Variants in OR3A2 observed in about 807,000 individuals in gnomAD.
The protein encoded by OR3A2 is olfactory receptor 3A2.
For synonymous variants in OR3A2, 126 were observed against 159.3 expected, an observed-to-expected ratio of 0.79 and a Z score of 1.57; for missense variants, 318 against 392.8, an observed-to-expected ratio of 0.81 and a Z score of 1.61.
intron 2 of OR3A2, among the ~76,000 whole-genome samples, chr17:3,341,200 T>C (rs968383308): frequency 1.2e-4 from 19 of 152,212 alleles, no homozygotes; most frequent in Admixed American, 9.8e-4. Context: ...AGCACACTGA[T>C]GGGTCTTGAC....
chr17:3,341,178 T>A (rs1420603155), intron 2 of OR3A2, among the ~76,000 whole-genome samples: 1 of 152,192 alleles, frequency 6.6e-6, no homozygotes, highest in African/African-American at 2.4e-5. Flanking sequence ...ATGAGATGGG[T>A]CACCTGAATA....
At chr17:3,348,162 T>C (rs577654015) in intron 2 of OR3A2, among the ~76,000 whole-genome samples, 2 of 152,214 alleles carry the variant, frequency 1.3e-5, no homozygotes, top group African/African-American at 4.8e-5. Flanking sequence ...GTCAGATGAG[T>C]AGGTTGTGAA....
At chr17:3,379,467 G>C (rs2049714919) in intron 2 of OR3A2, among the ~76,000 whole-genome samples, 1 of 152,174 alleles carries the variant, frequency 6.6e-6, no homozygotes, top group Admixed American at 6.5e-5. Flanking sequence ...AGCTCCACAT[G>C]GGGTGTGAGG....
At chr17:3,361,607 TGA>T (rs1257151180) in intron 2 of OR3A2, among the ~76,000 whole-genome samples, 2 of 151,746 alleles carry the variant, frequency 1.3e-5, no homozygotes, top group Non-Finnish European at 2.9e-5. Context: ...CCTAATTTAT[TGA>T]GAGTTTTTAG....
At chr17:3,318,218 G>C (rs1487701380) in intron 3 of OR3A2, among the ~76,000 whole-genome samples, 1 of 152,152 alleles carries the variant, frequency 6.6e-6, no homozygotes, top group Non-Finnish European at 1.5e-5. Flanking sequence ...TAGGTGCTGA[G>C]GGAAGACTGG....
intron 2 of OR3A2, among the ~76,000 whole-genome samples, chr17:3,368,787 TTTGGTGAGCATTGCAATGAATTTGTAGA>T (rs1219582228): frequency 6.6e-6 from 1 of 152,170 alleles, no homozygotes; most frequent in Non-Finnish European, 1.5e-5. Context: ...ATGATGGTAC[TTTGGTGAGCATTGCAATGAATTTGTAGA>T]TTGCTTTTAG....
At chr17:3,370,525 C>G (rs2150663802) in intron 2 of OR3A2, among the ~76,000 whole-genome samples, 1 of 152,006 alleles carries the variant, frequency 6.6e-6, no homozygotes, top group East Asian at 1.9e-4. Flanking sequence ...TCATTTAATT[C>G]TGCTCTGATC....
chr17:3,331,624 C>T (rs370782147), intron 3 of OR3A2, among the ~76,000 whole-genome samples: 2 of 151,850 alleles, frequency 1.3e-5, no homozygotes, highest in Non-Finnish European at 2.9e-5. Flanking sequence ...TTCTAAATTT[C>T]TTTCAAAGTT....
intron 2 of OR3A2, among the ~76,000 whole-genome samples, chr17:3,353,099 C>T (rs1434907294): frequency 7.1e-6 from 1 of 141,786 alleles, no homozygotes; most frequent in African/African-American, 2.6e-5. Flanking sequence ...TGCAACTTTA[C>T]TGAATTTGCT....
chr17:3,319,423 C>T (rs74512178), intron 3 of OR3A2, among the ~76,000 whole-genome samples: 25,970 of 151,684 alleles, frequency 0.17, 3,031 homozygotes, highest in Admixed American at 0.34. Context: ...ATGTGCACAA[C>T]ATGCAGGTTT....
intron 3 of OR3A2, chr17:3,291,651 C>G: frequency 6.3e-7 from 1 of 1,599,142 alleles, no homozygotes; most frequent in Non-Finnish European, 8.6e-7. Flanking sequence ...CAGTGACCGC[C>G]TCCCTGTGAG....
intron 2 of OR3A2, among the ~76,000 whole-genome samples, chr17:3,366,973 T>C (rs567171043): frequency 6.6e-6 from 1 of 152,322 alleles, no homozygotes; most frequent in Admixed American, 6.5e-5. Flanking sequence ...GGAGTGAGAT[T>C]ACCTTGAGAC....
intron 3 of OR3A2, among the ~76,000 whole-genome samples, chr17:3,305,556 G>A (rs138428718): frequency 4.5e-3 from 688 of 152,218 alleles, no homozygotes; most frequent in Non-Finnish European, 7.4e-3. Context: ...AAAAATCAGA[G>A]ATGCAAATAC....
intron 3 of OR3A2, among the ~76,000 whole-genome samples, chr17:3,324,058 T>C (rs563797054): frequency 2.0e-5 from 3 of 152,072 alleles, no homozygotes; most frequent in Non-Finnish European, 4.4e-5. Context: ...TGTTCATTTC[T>C]TTTTGTTCTT....
chr17:3,358,312 C>T (rs2049480205), intron 2 of OR3A2, among the ~76,000 whole-genome samples: 1 of 151,616 alleles, frequency 6.6e-6, no homozygotes, highest in African/African-American at 2.4e-5. Flanking sequence ...TTCTCATCTT[C>T]TGCTAGCTTT....
At chr17:3,377,127 A>C (rs564723265) in intron 2 of OR3A2, among the ~76,000 whole-genome samples, 1 of 152,252 alleles carries the variant, frequency 6.6e-6, no homozygotes, top group African/African-American at 2.4e-5. Context: ...GGGTATGTGA[A>C]TTCTTTTGGT....
intron 1 of OR3A2, among the ~76,000 whole-genome samples, chr17:3,279,419 T>C (rs75471655): frequency 0.019 from 2,849 of 152,356 alleles, 97 homozygotes; most frequent in African/African-American, 0.064. Context: ...GATGAAGTTT[T>C]CCTATTGCTC....
intron 3 of OR3A2, among the ~76,000 whole-genome samples, chr17:3,323,319 A>T (rs1485107805): frequency 2.0e-5 from 3 of 152,010 alleles, no homozygotes; most frequent in African/African-American, 7.3e-5. Context: ...CCAATTTGCC[A>T]GTCTGTGTCT....
chr17:3,315,937 C>T (rs7342838), intron 3 of OR3A2, among the ~76,000 whole-genome samples: 2,628 of 152,236 alleles, frequency 0.017, 81 homozygotes, highest in African/African-American at 0.059. Context: ...CATCTCTCTT[C>T]ATCTAAGTGA....
Sources: allele counts gnomAD v4.1 joint callset (sites outside exome capture counted in the v4.1 genomes callset), GRCh38; gene constraint gnomAD v4.1.1; transcripts MANE v1.5; gene names NCBI Gene and HGNC (gene_info 2026-07-23, HGNC 2026-07-21).